COL4A2: variants seen among roughly 807,000 people sequenced by gnomAD.
COL4A2 encodes the protein collagen type IV alpha 2 chain.
In COL4A2, 99 loss-of-function variants were observed where a neutral mutation model predicts 200.2. The ratio of observed to expected loss-of-function variants is 0.49; its 90% CI spans 0.42 to 0.58. COL4A2 has a LOEUF of 0.58. Ranked by LOEUF, COL4A2 falls within the 20% of genes least tolerant of loss-of-function variation. COL4A2 has a pLI of 0.00. For missense variants in COL4A2, 1,950 were observed against 2,314.1 expected (o/e 0.84, Z 3.23); for synonymous variants, 897 against 900.6 (o/e 1.00, Z 0.07).
intron 4 of COL4A2, among the ~76,000 whole-genome samples, chr13:110,376,048 A>G (rs1257614771): frequency 6.6e-6 from 1 of 152,180 alleles, no homozygotes; most frequent in African/African-American, 2.4e-5. Flanking sequence ...GTAGAATCAC[A>G]GTGTCTATTT....
At chr13:110,504,699 G>A (rs990522634) in intron 45 of COL4A2, among the ~76,000 whole-genome samples, 4 of 152,056 alleles carry the variant, frequency 2.6e-5, no homozygotes, top group Admixed American at 1.3e-4. Flanking sequence ...TCTGCCTCCC[G>A]GGTTCAAGCG....
chr13:110,478,005 A>G lies in COL4A2; in HGVS notation c.2428A>G (p.Ser810Gly). ...GDRGPPGFRG[S>G]QGMPGMPGLK... is the part of the protein sequence containing the mutation. ...GCTCTTGTCTCTGATTCCTGCAGGA[A>G]GCCAAGGGATGCCTGGGATGCCAGG... The change falls in exon 30 of 48, where the codon AGC becomes GGC. Residue 810 changes from serine to glycine, a missense_variant and splice_region_variant. Ser to Gly is a moderately conservative substitution (Grantham distance 56). Around this residue, in one of 2 missense-constraint regions of COL4A2, gnomAD observed 1,385 missense variants for 1,720.5 expected, o/e 0.80. Transcript: ENST00000360467. 6.4e-7 allele frequency: 1 copy of G among 1,559,244 alleles called. No individual in the cohort carries two copies. Among genetic ancestry groups the G allele is most frequent in the African/African-American group, 1.4e-5 (1 of 73,096 alleles).
In COL4A2 at chr13:110,424,960, G is replaced by C. The variant is rs1283852136; in HGVS notation, c.323G>C (p.Arg108Thr). The C allele has an allele frequency of 2.5e-6, 4 of 1,614,120 alleles. No homozygotes were observed. In the Admixed American group the frequency reaches 6.7e-5, roughly 27 times the overall value. Reference protein sequence around the residue: ...VTGPKGDVGARGVSGFPGADG... With the variant: ...VTGPKGDVGATGVSGFPGADG... ...CATTTGCTTTCTTCATAGGGAGCAAGAGGCGTTTCTGGATTCCCTGGTGCC... is the reference window on the plus strand; with the variant it reads ...CATTTGCTTTCTTCATAGGGAGCAACAGGCGTTTCTGGATTCCCTGGTGCC... The change falls in exon 6 of 48, where the codon AGA (arginine) becomes ACA (threonine). Residue 108 changes from arginine (R) to threonine (T), a missense_variant. Arg to Thr is a moderately conservative substitution (Grantham distance 71). This residue lies in a region of COL4A2 where 565 missense variants were observed against 593.5 expected (regional missense o/e 0.95). Transcript: ENST00000360467.
chr13:110,438,126 G>C, intron 14 of COL4A2, 89 bp downstream of exon 14: 2 of 1,008,018 alleles, frequency 2.0e-6, no homozygotes, highest in Admixed American at 4.0e-5. Flanking sequence ...CATGCGCTCG[G>C]GGCCCGCACA....
chr13:110,427,656 A>G (rs9588159), intron 6 of COL4A2, among the ~76,000 whole-genome samples: 8,896 of 152,308 alleles, frequency 0.058, 890 homozygotes, highest in African/African-American at 0.2. Context: ...CAGGTACTGC[A>G]TAAATTATAG....
chr13:110,393,618 C>A (rs1434625420), intron 4 of COL4A2, among the ~76,000 whole-genome samples: 1 of 151,088 alleles, frequency 6.6e-6, no homozygotes, highest in Non-Finnish European at 1.5e-5. Context: ...GTGGCTCACA[C>A]CTGTAATCCC....
intron 3 of COL4A2, among the ~76,000 whole-genome samples, chr13:110,321,969 CAG>C (rs2139352281): frequency 1.3e-5 from 2 of 152,370 alleles, no homozygotes; most frequent in Middle Eastern, 3.4e-3. Flanking sequence ...GGTGGGGACA[CAG>C]AGCCAAACCA....
intron 29 of COL4A2, among the ~76,000 whole-genome samples, chr13:110,474,099 C>T (rs1882583373): frequency 6.6e-6 from 1 of 152,166 alleles, no homozygotes; most frequent in African/African-American, 2.4e-5. Context: ...TGCACTCCAG[C>T]CTGCGTGACA....
intron 17 of COL4A2, 85 bp downstream of exon 17, chr13:110,445,967 G>T: frequency 5.5e-6 from 8 of 1,455,282 alleles, no homozygotes; most frequent in Non-Finnish European, 7.7e-6. Flanking sequence ...GTGTCCTGTG[G>T]AGGCATCCCC....
At chr13:110,487,434 C>T (rs1883153003) in intron 34 of COL4A2, among the ~76,000 whole-genome samples, 1 of 152,094 alleles carries the variant, frequency 6.6e-6, no homozygotes, top group Admixed American at 6.6e-5. Flanking sequence ...GCTTGGGTGA[C>T]AAAGCAAGAC....
chr13:110,485,540 A>G (rs1883089883), intron 33 of COL4A2, 115 bp from the exon 34 acceptor site: 1 of 605,774 alleles, frequency 1.7e-6, no homozygotes, highest in Non-Finnish European at 2.7e-6. Context: ...AAAAAAAAAA[A>G]AAAAAAGATT....
intron 4 of COL4A2, among the ~76,000 whole-genome samples, chr13:110,403,875 A>G (rs1045409957): frequency 6.6e-6 from 1 of 152,248 alleles, no homozygotes; most frequent in African/African-American, 2.4e-5. Flanking sequence ...GTTATTGCTC[A>G]TAGTTCTGCA....
chr13:110,361,604 A>G (rs971931759), intron 4 of COL4A2, among the ~76,000 whole-genome samples: 5 of 152,346 alleles, frequency 3.3e-5, no homozygotes, highest in Admixed American at 6.5e-5. Context: ...AGAAATCACA[A>G]GCATACTATG....
At chr13:110,321,498 C>T (rs1441711891) in intron 3 of COL4A2, among the ~76,000 whole-genome samples, 1 of 152,156 alleles carries the variant, frequency 6.6e-6, no homozygotes, top group African/African-American at 2.4e-5. Flanking sequence ...ATCCTTCCCC[C>T]ACCCTCTGTT....
At chr13:110,499,002 C>A (rs11618151) in intron 40 of COL4A2, among the ~76,000 whole-genome samples, 19,869 of 152,308 alleles carry the variant, frequency 0.13, 1,639 homozygotes, top group Admixed American at 0.21. Flanking sequence ...GAGGCCAGGG[C>A]AGACACTGCC....
At chr13:110,495,531 G>T in intron 40 of COL4A2, 64 bp downstream of exon 40, 1 of 1,565,006 alleles carries the variant, frequency 6.4e-7, no homozygotes, top group Middle Eastern at 1.8e-4. Context: ...CAGAGGTGGG[G>T]CCATGGAGTG....
intron 13 of COL4A2, 84 bp from the exon 14 acceptor site, chr13:110,437,918 G>C (rs919731671): frequency 9.3e-7 from 1 of 1,077,952 alleles, no homozygotes; most frequent in Non-Finnish European, 1.4e-6. Context: ...AGTACTTTCA[G>C]CTCATGTCAT....
At chr13:110,424,558 CTA>C (rs1388021580) in intron 4 of COL4A2, among the ~76,000 whole-genome samples, 174 bp from the exon 5 acceptor site, 6 of 150,706 alleles carry the variant, frequency 4.0e-5, no homozygotes, top group South Asian at 2.1e-4. Flanking sequence ...TTCTTAAACT[CTA>C]TGACTTCTTT....
intron 20 of COL4A2, among the ~76,000 whole-genome samples, chr13:110,450,753 T>C (rs1232845920): frequency 6.6e-6 from 1 of 152,166 alleles, no homozygotes; most frequent in Non-Finnish European, 1.5e-5. Context: ...CAGCGAAACA[T>C]CTGAGCTGCG....
Sources: gnomAD v4.1 joint callset for allele counts (sites outside exome capture counted in the v4.1 genomes callset) on GRCh38, gnomAD v4.1.1 for gene constraint, gnomAD v4.1.1 regional missense constraint, MANE v1.5 for transcripts, NCBI Gene and HGNC (gene_info 2026-07-23, HGNC 2026-07-21) for gene names.